The following RABEP1 variants were observed in gnomAD, a reference collection of about 807,000 sequenced individuals.
RABEP1 encodes the protein rabaptin, RAB GTPase binding effector protein 1.
RABEP1 carries 51 observed loss-of-function variants against 123.4 expected under a neutral mutation model. The ratio of observed to expected loss-of-function variants is 0.41; its 90% confidence interval spans 0.33 to 0.52. The LOEUF (loss-of-function observed/expected upper bound fraction) is 0.52, where lower values mean the gene tolerates loss of function less well. RABEP1 is among the 20% of genes least tolerant of loss of function. The pLI is 0.16. For missense variants in RABEP1, 888 were observed against 996.3 expected (o/e 0.89, Z 1.46); for synonymous variants, 347 against 355.2 (o/e 0.98, Z 0.26).
intron 4 of RABEP1, 102 bp downstream of exon 4, chr17:5,335,446 C>G: frequency 9.7e-7 from 1 of 1,027,600 alleles, no homozygotes; most frequent in East Asian, 2.6e-5. Context: ...TTGATATTTC[C>G]TGTGAGAATA....
At position 5,295,229 on chromosome 17, in the gene RABEP1, TAACAA is replaced by T. The variant is rs2075071594; in HGVS notation, c.34+12712_34+12716del. On this transcript the variant is annotated intron_variant, in intron 1 of 17. Coordinates refer to ENST00000537505, the MANE Select transcript of RABEP1 (RefSeq NM_004703.6). ...AAACCCCGTCTCTACTAAAAAAAAA[TAACAA>T]AAATTAGCCAGGCGTGGTGGTGCAC... 5.3e-5 allele frequency among the ~76,000 whole-genome samples: 8 copies of T among 150,788 alleles called. No homozygotes were observed. In the South Asian group the frequency reaches 1.7e-3, roughly 32 times the overall value.
At chr17:5,349,224 C>T (rs1488169777) in intron 6 of RABEP1, among the ~76,000 whole-genome samples, 1 of 152,130 alleles carries the variant, frequency 6.6e-6, no homozygotes, top group Non-Finnish European at 1.5e-5. Flanking sequence ...AGTTCAGTCT[C>T]ATAGCACTGT....
At chr17:5,283,728 A>G (rs1228191403) in intron 1 of RABEP1, among the ~76,000 whole-genome samples, 1 of 152,022 alleles carries the variant, frequency 6.6e-6, no homozygotes, top group Non-Finnish European at 1.5e-5. Context: ...GGAACTTGAA[A>G]CCATGTTATC....
intron 11 of RABEP1, among the ~76,000 whole-genome samples, chr17:5,367,324 T>G (rs1021149208): frequency 1.3e-5 from 2 of 151,020 alleles, no homozygotes; most frequent in African/African-American, 4.9e-5. Flanking sequence ...CAGGCTAGAG[T>G]GCAGTGGCAC....
In RABEP1 at chr17:5,361,290, C is replaced by A; in HGVS notation, c.1178C>A (p.Ser393Ter). Residue 393 changes from serine to a stop codon, truncating the protein, a stop_gained, in exon 9 of 18, where the codon TCG becomes TAG. Coordinates refer to ENST00000537505, the MANE Select transcript of RABEP1 (RefSeq NM_004703.6). LOFTEE classifies it high-confidence loss of function. The stretch of plus-strand genomic sequence containing the variant: ...CCATCTGGAGATCCTTTCAGTAAAT[C>A]GGACAATGACATGTTTAAAGATGGA... ...LLPSGDPFSK[S>*]DNDMFKDGLR... 1 of 1,614,114 alleles carries A rather than the reference C, an allele frequency of 6.2e-7. No homozygotes were observed.
Position 5,384,269 on chromosome 17 carries a change from C to T in RABEP1, c.*1046C>T, listed in dbSNP as rs1381197641. 4.7e-6 allele frequency: 1 copy of T among 213,612 alleles called. No homozygotes were observed. The highest frequency in any genetic ancestry group is 2.3e-5 in the African/African-American group (1 of 44,416). 13.2% of individuals were successfully genotyped at this position (213,612 alleles called of 1,614,324 possible). A position where few individuals can be genotyped will look rare whatever the true frequency, so the allele number is the denominator to read the frequency against. On this transcript the variant is annotated 3_prime_UTR_variant, in exon 18 of 18. Coordinates refer to ENST00000537505, the MANE Select transcript of RABEP1 (RefSeq NM_004703.6). ...GAAATCTGTCTTGTCATTTTACAAG[C>T]ATTAGATTCCTTTCCTGTGTGAAGA...
At chr17:5,378,076 T>C in intron 14 of RABEP1, 101 bp from the exon 15 acceptor site, 1 of 839,400 alleles carries the variant, frequency 1.2e-6, no homozygotes, top group Admixed American at 2.7e-5. Flanking sequence ...ATGTTCAGCA[T>C]ACATTTGAAT....
At chr17:5,319,067 C>G (rs1243404234) in intron 2 of RABEP1, among the ~76,000 whole-genome samples, 2 of 152,056 alleles carry the variant, frequency 1.3e-5, no homozygotes, top group Admixed American at 1.3e-4. Context: ...CGTGGTGGCT[C>G]ATGCCTGTAA....
rs138044089 is a variant in RABEP1 at position 5,347,231 on chromosome 17, G to A, written c.784+306G>A. ...TTGAGACCAGCCTGGCCAACATGGC[G>A]AAAACCCGTCTCTACTGCAAAAACA... On this transcript the variant is annotated intron_variant, in intron 6 of 17. Coordinates refer to ENST00000537505, the MANE Select transcript of RABEP1 (RefSeq NM_004703.6). Among the ~76,000 whole-genome samples the A allele has an allele frequency of 7.1e-3, 1,085 of 152,118 alleles. 20 individuals are homozygous for A. The highest frequency in any genetic ancestry group is 0.024 in the African/African-American group (996 of 41,504).
At chr17:5,319,370 A>T (rs1268524564) in intron 2 of RABEP1, among the ~76,000 whole-genome samples, 2 of 102,600 alleles carry the variant, frequency 1.9e-5, no homozygotes, top group Non-Finnish European at 4.1e-5. Flanking sequence ...AAACATATAT[A>T]TTTTTTTCCT....
At position 5,329,140 on chromosome 17, in the gene RABEP1, C is replaced by T. The variant is rs1906274020; in HGVS notation, c.164-2809C>T. Among the ~76,000 whole-genome samples the T allele has an allele frequency of 1.4e-5, 2 of 147,964 alleles. 1 individual carries two copies. Among genetic ancestry groups the T allele is most frequent in the South Asian group, 4.2e-4 (2 of 4,716 alleles). On this transcript the variant is annotated intron_variant, in intron 2 of 17. Transcript: ENST00000537505. ...GTACTTTGTTTATATAAGAAACTGT[C>T]CATATTTTTAGAGATGCATCTGTAC...
rs1017541272 is a variant in RABEP1 at position 5,384,971 on chromosome 17, T to C, written c.*1748T>C. On this transcript the variant is annotated 3_prime_UTR_variant, in exon 18 of 18. Coordinates refer to ENST00000537505, the MANE Select transcript of RABEP1 (RefSeq NM_004703.6). The stretch of plus-strand genomic sequence containing the variant: ...TAGTGCTGTAAATCAGGGTGGGCAA[T>C]TCACAGCCTTTCTGAACTGACTGAA... The C allele has an allele frequency of 4.8e-5, 11 of 227,766 alleles. No individual in the cohort carries two copies. The highest frequency in any genetic ancestry group is 2.4e-4 in the African/African-American group (11 of 45,078). 14.1% of individuals were successfully genotyped at this position (227,766 alleles called of 1,614,324 possible).
intron 2 of RABEP1, among the ~76,000 whole-genome samples, chr17:5,326,160 C>G (rs56960906): frequency 1.3e-5 from 2 of 152,072 alleles, no homozygotes; most frequent in Non-Finnish European, 2.9e-5. Context: ...AATTAAATGA[C>G]TTGAGAAGCT....
Position 5,385,360 on chromosome 17 carries a change from C to G in RABEP1, c.*2137C>G. ...GAGTGTTCCTGTGCTTATATTCAGT[C>G]TGTGCCTACATGTTCTCATGCATGT... On this transcript the variant is annotated 3_prime_UTR_variant, in exon 18 of 18. Transcript: ENST00000537505. 4.3e-6 allele frequency: 1 copy of G among 230,788 alleles called. No individual in the cohort carries two copies. 14.3% of individuals were successfully genotyped at this position (230,788 alleles called of 1,614,324 possible).
chr17:5,378,938 A>C (rs931027505), intron 15 of RABEP1, among the ~76,000 whole-genome samples: 3 of 151,208 alleles, frequency 2.0e-5, no homozygotes, highest in East Asian at 1.9e-4. Context: ...ATGGTCTTTG[A>C]CTCCTTGTCC....
intron 6 of RABEP1, among the ~76,000 whole-genome samples, chr17:5,348,248 G>T (rs2144641859): frequency 6.6e-6 from 1 of 152,332 alleles, no homozygotes; most frequent in East Asian, 1.9e-4. Context: ...CAAAGTGCTG[G>T]GATTACAGGC....
At chr17:5,355,368 A>G (rs1451736994) in intron 8 of RABEP1, among the ~76,000 whole-genome samples, 1 of 152,124 alleles carries the variant, frequency 6.6e-6, no homozygotes, top group Non-Finnish European at 1.5e-5. Flanking sequence ...TTCAAAGCTC[A>G]TCTTGTTATC....
intron 6 of RABEP1, among the ~76,000 whole-genome samples, chr17:5,347,446 C>T (rs1432279759): frequency 7.3e-6 from 1 of 136,422 alleles, no homozygotes; most frequent in Non-Finnish European, 1.6e-5. Flanking sequence ...AACAAACAAA[C>T]AAACAAAACA....
intron 11 of RABEP1, 135 bp downstream of exon 11, chr17:5,365,373 C>T: frequency 1.9e-6 from 1 of 526,326 alleles, no homozygotes; most frequent in Non-Finnish European, 3.3e-6. Context: ...AAAAAGATTT[C>T]TTACTGATCA....
Sources: allele counts gnomAD v4.1 joint callset (sites outside exome capture counted in the v4.1 genomes callset), GRCh38; gene constraint gnomAD v4.1.1; transcripts MANE v1.5; gene names NCBI Gene and HGNC (gene_info 2026-07-23, HGNC 2026-07-21).